The following THSD7B variants were observed in gnomAD, a reference collection of about 807,000 sequenced individuals.
The protein encoded by THSD7B is thrombospondin type-1 domain-containing protein 7B.
A neutral mutation model predicts 213.6 loss-of-function variants in THSD7B; 138 were observed. That is an observed-to-expected ratio of 0.65 (90% CI 0.56 to 0.74). The LOEUF (loss-of-function observed/expected upper bound fraction) is 0.74, where lower values mean the gene tolerates loss of function less well. Among genes scored for constraint, THSD7B ranks in the 30% least tolerant of loss-of-function variants. The pLI is 0.00. For synonymous variants in THSD7B, 742 were observed against 687.0 expected, an observed-to-expected ratio of 1.08 and a Z score of -1.25; for missense variants, 1,931 against 1,991.5, an observed-to-expected ratio of 0.97 and a Z score of 0.58.
At chr2:137,487,321 T>A (rs965012502) in intron 15 of THSD7B, among the ~76,000 whole-genome samples, 1 of 125,718 alleles carries the variant, frequency 8.0e-6, no homozygotes, top group East Asian at 2.6e-4. Context: ...TGAGCCGAGA[T>A]TGCGCCACTG....
intron 2 of THSD7B, among the ~76,000 whole-genome samples, chr2:136,977,129 G>C (rs1413272893): frequency 6.6e-6 from 1 of 151,900 alleles, no homozygotes; most frequent in Non-Finnish European, 1.5e-5. Flanking sequence ...GGCTATTACT[G>C]CCTCAATTTC....
intron 5 of THSD7B, among the ~76,000 whole-genome samples, chr2:137,148,596 A>G (rs1317241635): frequency 6.6e-6 from 1 of 152,188 alleles, no homozygotes; most frequent in African/African-American, 2.4e-5. Flanking sequence ...CAAAATGCTA[A>G]TAAGGATATG....
intron 2 of THSD7B, among the ~76,000 whole-genome samples, chr2:137,015,664 G>A (rs554464131): frequency 5.3e-5 from 8 of 152,162 alleles, no homozygotes; most frequent in African/African-American, 1.9e-4. Flanking sequence ...TGTTAAAAGA[G>A]CAGAGTCCTC....
intron 2 of THSD7B, among the ~76,000 whole-genome samples, chr2:137,015,354 C>T (rs1403987749): frequency 6.6e-6 from 1 of 152,096 alleles, no homozygotes. Flanking sequence ...CTTGAGGGCT[C>T]CCCTCTCACT....
intron 12 of THSD7B, among the ~76,000 whole-genome samples, chr2:137,386,062 G>A (rs1286362469): frequency 6.6e-6 from 1 of 152,182 alleles, no homozygotes; most frequent in African/African-American, 2.4e-5. Flanking sequence ...TCCTACTGAA[G>A]TGAGTAGCAT....
At chr2:137,603,582 A>G (rs1682115607) in intron 17 of THSD7B, among the ~76,000 whole-genome samples, 1 of 152,342 alleles carries the variant, frequency 6.6e-6, no homozygotes, top group African/African-American at 2.4e-5. Context: ...TAATATTTAT[A>G]TAGCAAGTAT....
intron 12 of THSD7B, among the ~76,000 whole-genome samples, chr2:137,370,941 A>T (rs1685526034): frequency 6.6e-6 from 1 of 151,950 alleles, no homozygotes; most frequent in South Asian, 2.1e-4. Flanking sequence ...AACTATGATA[A>T]TCTTTTTTTT....
intron 25 of THSD7B, 128 bp downstream of exon 25, chr2:137,659,874 T>G: frequency 2.9e-6 from 2 of 699,368 alleles, no homozygotes; most frequent in South Asian, 5.3e-5. Context: ...TCTAGAGGCA[T>G]TTGCAGGAGT....
At chr2:137,272,498 G>T in intron 10 of THSD7B, 35 bp from the exon 11 acceptor site, 1 of 1,571,522 alleles carries the variant, frequency 6.4e-7, no homozygotes, top group African/African-American at 1.4e-5. Context: ...CAACATAAAA[G>T]GGCACTATAT....
At chr2:137,000,483 GTTGA>G (rs1456382004) in intron 2 of THSD7B, among the ~76,000 whole-genome samples, 2 of 152,036 alleles carry the variant, frequency 1.3e-5, no homozygotes, top group South Asian at 4.2e-4. Context: ...ATACTATGGG[GTTGA>G]TTATTAACAC....
intron 21 of THSD7B, among the ~76,000 whole-genome samples, chr2:137,645,366 A>C (rs1175130058): frequency 1.3e-5 from 2 of 152,244 alleles, no homozygotes; most frequent in East Asian, 3.8e-4. Context: ...ATGGAGAGTT[A>C]ACGAGAAAAC....
chr2:137,430,209 T>A (rs749895376), intron 14 of THSD7B, among the ~76,000 whole-genome samples: 15 of 152,142 alleles, frequency 9.9e-5, no homozygotes, highest in Middle Eastern at 3.2e-3. Context: ...ATCATATCAC[T>A]ACCCTCTAAG....
At chr2:136,947,072 C>T (rs920119261) in intron 2 of THSD7B, among the ~76,000 whole-genome samples, 2 of 152,088 alleles carry the variant, frequency 1.3e-5, no homozygotes, top group African/African-American at 2.4e-5. Flanking sequence ...GCATCAATCA[C>T]GCTGGGAGCT....
chr2:137,353,052 A>G (rs540350865), intron 12 of THSD7B, among the ~76,000 whole-genome samples: 54 of 152,176 alleles, frequency 3.5e-4, no homozygotes, highest in African/African-American at 1.3e-3. Flanking sequence ...AAAGGAGACT[A>G]CACAACTCTT....
intron 15 of THSD7B, among the ~76,000 whole-genome samples, chr2:137,465,992 G>T (rs1242323987): frequency 1.3e-5 from 2 of 152,056 alleles, no homozygotes; most frequent in African/African-American, 4.8e-5. Context: ...GGAGTGGCAC[G>T]ATATGGTGGT....
At chr2:137,291,292 C>T (rs1245819662) in intron 12 of THSD7B, among the ~76,000 whole-genome samples, 11 of 152,082 alleles carry the variant, frequency 7.2e-5, no homozygotes, top group Non-Finnish European at 2.9e-5. Context: ...TCTCAGTATA[C>T]ACTCCCTTCT....
At chr2:136,766,720 A>G (rs1392960858) in intron 1 of THSD7B, among the ~76,000 whole-genome samples, 1 of 152,172 alleles carries the variant, frequency 6.6e-6, no homozygotes, top group Non-Finnish European at 1.5e-5. Flanking sequence ...TCAATACTGT[A>G]CAGTCAAGGT....
chr2:137,285,647 A>G (rs1683154871), intron 12 of THSD7B, among the ~76,000 whole-genome samples: 1 of 151,824 alleles, frequency 6.6e-6, no homozygotes, highest in Non-Finnish European at 1.5e-5. Context: ...GGAGATCTAA[A>G]GTCTTAATTA....
intron 17 of THSD7B, among the ~76,000 whole-genome samples, chr2:137,600,522 G>A (rs569271623): frequency 1.3e-5 from 2 of 152,304 alleles, no homozygotes; most frequent in African/African-American, 2.4e-5. Context: ...CAGATCACTT[G>A]AAGCCAGGAG....
Sources: gnomAD v4.1 joint callset for allele counts (sites outside exome capture counted in the v4.1 genomes callset) on GRCh38, gnomAD v4.1.1 for gene constraint, MANE v1.5 for transcripts, NCBI Gene and HGNC (gene_info 2026-07-23, HGNC 2026-07-21) for gene names.